Variants in GXYLT2 observed in about 807,000 individuals in gnomAD.
The protein encoded by GXYLT2 is glycosyltransferase 8 domain containing 4.
Under a neutral mutation model 45.8 loss-of-function variants are expected in GXYLT2, and 53 were observed. The ratio of observed to expected loss-of-function variants is 1.16; its 90% CI spans 0.93 to 1.46. The LOEUF is 1.46. Ranked by LOEUF, GXYLT2 falls within the 40% of genes most tolerant of loss-of-function variation. The pLI is 0.00. For synonymous variants in GXYLT2, 219 were observed against 214.2 expected (o/e 1.02, Z -0.19); for missense variants, 551 against 544.4 (o/e 1.01, Z -0.12).
At chr3:72,958,711 A>C (rs1710701074) in intron 5 of GXYLT2, among the ~76,000 whole-genome samples, 2 of 147,158 alleles carry the variant, frequency 1.4e-5, no homozygotes, top group Non-Finnish European at 3.0e-5. Context: ...AGCTCACTGC[A>C]ATCTCTGCCT....
chr3:72,917,133 G>A (rs2107094667), intron 2 of GXYLT2, among the ~76,000 whole-genome samples: 1 of 152,174 alleles, frequency 6.6e-6, no homozygotes, highest in Admixed American at 6.5e-5. Context: ...TTGAGACAGG[G>A]TCTCACATTG....
At chr3:72,893,496 A>G (rs934105070) in intron 1 of GXYLT2, among the ~76,000 whole-genome samples, 3 of 152,128 alleles carry the variant, frequency 2.0e-5, no homozygotes, top group Non-Finnish European at 2.9e-5. Context: ...TGTTTTTCAC[A>G]GCACTCATTG....
In GXYLT2 at chr3:72,917,712, C is replaced by T. The variant is rs528030623; in HGVS notation, c.469-4492C>T. 2.7e-5 allele frequency among the ~76,000 whole-genome samples: 4 copies of T among 146,820 alleles called. No individual in the cohort carries two copies. The East Asian group carries it at 6.0e-4, about 22-fold the overall frequency. ...GATCAAGGCTGCAGTGAGCCATGAT[C>T]GTGCCACTGTACTCCAGCCTGGGCA... On this transcript the variant is annotated intron_variant, in intron 2 of 6. Transcript: ENST00000389617.
chr3:72,971,046 C>T (rs779791507), intron 6 of GXYLT2, among the ~76,000 whole-genome samples: 8 of 152,136 alleles, frequency 5.3e-5, no homozygotes, highest in Non-Finnish European at 1.2e-4. Flanking sequence ...ACACTGACTC[C>T]AGGGGCAAAC....
chr3:72,930,592 CTTTTTTTTTTT>C (rs71126806), intron 3 of GXYLT2, among the ~76,000 whole-genome samples: 1 of 101,612 alleles, frequency 9.8e-6, no homozygotes, highest in African/African-American at 3.8e-5. Flanking sequence ...TCTTCTTCTT[CTTTTTTTTTTT>C]TTTTTTTTGA....
intron 3 of GXYLT2, among the ~76,000 whole-genome samples, chr3:72,930,009 A>G (rs1709997426): frequency 6.6e-6 from 1 of 151,962 alleles, no homozygotes; most frequent in Non-Finnish European, 1.5e-5. Context: ...TCTACTAAAA[A>G]TACAAAATTA....
chr3:72,909,496 C>T (rs1259671804), intron 2 of GXYLT2, among the ~76,000 whole-genome samples: 3 of 151,960 alleles, frequency 2.0e-5, no homozygotes, highest in Non-Finnish European at 2.9e-5. Flanking sequence ...CAGGATTGTA[C>T]TCTGTATATT....
At chr3:72,911,357 A>G (rs1467675544) in intron 2 of GXYLT2, among the ~76,000 whole-genome samples, 1 of 152,166 alleles carries the variant, frequency 6.6e-6, no homozygotes, top group Non-Finnish European at 1.5e-5. Context: ...AGCAGGTTGT[A>G]CTTTCCAAGG....
At chr3:72,901,486 T>A (rs1263270515) in intron 1 of GXYLT2, among the ~76,000 whole-genome samples, 2 of 148,556 alleles carry the variant, frequency 1.3e-5, no homozygotes, top group East Asian at 4.0e-4. Context: ...AAAAGTATAC[T>A]ATTCCATCGT....
intron 4 of GXYLT2, among the ~76,000 whole-genome samples, chr3:72,956,318 G>A (rs1710646906): frequency 3.3e-5 from 5 of 152,166 alleles, no homozygotes; most frequent in South Asian, 2.1e-4. Context: ...CTGTGGATAC[G>A]TCTGGGGAAA....
At chr3:72,903,048 T>C (rs1362217350) in intron 1 of GXYLT2, among the ~76,000 whole-genome samples, 1 of 151,540 alleles carries the variant, frequency 6.6e-6, no homozygotes, top group East Asian at 1.9e-4. Context: ...TAGGAAAATA[T>C]TAAAATTCTT....
intron 2 of GXYLT2, among the ~76,000 whole-genome samples, chr3:72,912,009 ATATAT>A (rs1709636954): frequency 8.2e-6 from 1 of 122,020 alleles, no homozygotes; most frequent in Admixed American, 8.0e-5. Flanking sequence ...ATATATATAT[ATATAT>A]TTTTTTTTTT....
rs1575809605 is a variant in GXYLT2, at chr3:72,952,037, C to A, written c.601-3061C>A. On this transcript the variant is annotated intron_variant, in intron 3 of 6. Coordinates refer to ENST00000389617, the MANE Select transcript of GXYLT2 (RefSeq NM_001080393.2). ...TTTTTTTTTGAGACAGAGTCTCACT[C>A]TGTCACCCAGGCTGGAGTGCAGTGT... Among the ~76,000 whole-genome samples the A allele has an allele frequency of 2.0e-5, 3 of 148,562 alleles. No individual in the cohort carries two copies. In the South Asian group the frequency reaches 6.4e-4, roughly 32 times the overall value.
At chr3:72,935,454 T>G (rs940578157) in intron 3 of GXYLT2, among the ~76,000 whole-genome samples, 6 of 152,176 alleles carry the variant, frequency 3.9e-5, no homozygotes, top group Admixed American at 1.3e-4. Context: ...TGAAATTAAT[T>G]CAAGAAAATT....
intron 5 of GXYLT2, among the ~76,000 whole-genome samples, chr3:72,957,628 A>G (rs1575813060): frequency 6.6e-6 from 1 of 152,216 alleles, no homozygotes; most frequent in East Asian, 1.9e-4. Context: ...TCTTCTAAGA[A>G]GTGCAGTTAA....
At chr3:72,962,691 G>T (rs142150806) in intron 5 of GXYLT2, among the ~76,000 whole-genome samples, 394 of 152,266 alleles carry the variant, frequency 2.6e-3, no homozygotes, top group African/African-American at 8.2e-3. Context: ...GTTTCATGAA[G>T]CCTACCTTTT....
chr3:72,968,485 A>G (rs1051542415), intron 6 of GXYLT2, among the ~76,000 whole-genome samples: 1 of 152,238 alleles, frequency 6.6e-6, no homozygotes, highest in African/African-American at 2.4e-5. Context: ...TCAAGCCTTT[A>G]TTTGCTTAAC....
At chr3:72,907,799 A>G (rs532883166) in intron 1 of GXYLT2, among the ~76,000 whole-genome samples, 2 of 151,318 alleles carry the variant, frequency 1.3e-5, no homozygotes, top group Admixed American at 1.3e-4. Context: ...TTTCTTCAAG[A>G]CTCTCCTGAG....
chr3:72,907,764 G>A (rs997492342), intron 1 of GXYLT2, among the ~76,000 whole-genome samples: 6 of 152,138 alleles, frequency 3.9e-5, no homozygotes, highest in African/African-American at 1.2e-4. Context: ...ACCAGTATTG[G>A]CGAGACGGTC....
Sources: gnomAD v4.1 joint callset for allele counts (sites outside exome capture counted in the v4.1 genomes callset) on GRCh38, gnomAD v4.1.1 for gene constraint, MANE v1.5 for transcripts, NCBI Gene and HGNC (gene_info 2026-07-23, HGNC 2026-07-21) for gene names.